DAB1: variants seen among roughly 807,000 people sequenced by gnomAD.
The protein encoded by DAB1 is DAB adaptor protein 1, also known as disabled homolog 1.
Under a neutral mutation model 64.6 loss-of-function variants are expected in DAB1, and 15 were observed. The observed-to-expected ratio is 0.23, with a 90% CI of 0.16 to 0.36. The LOEUF (loss-of-function observed/expected upper bound fraction) is 0.36. Ranked by LOEUF, DAB1 falls within the 10% of genes least tolerant of loss-of-function variation. The probability of loss-of-function intolerance (pLI) is 1.00; values close to 1 mark genes in which losing one functional copy is unlikely to be tolerated. For missense variants in DAB1, 596 were observed against 706.7 expected (o/e 0.84, Z 1.78); for synonymous variants, 235 against 251.9 (o/e 0.93, Z 0.64).
At chr1:57,261,934 A>G (rs1670213457) in intron 2 of DAB1, among the ~76,000 whole-genome samples, 1 of 152,232 alleles carries the variant, frequency 6.6e-6, no homozygotes, top group Admixed American at 6.5e-5. Flanking sequence ...GTTATTTATC[A>G]TTCATCTGTC....
At chr1:57,492,908 AT>A (rs1184017847) in intron 7 of DAB1, among the ~76,000 whole-genome samples, 3 of 151,908 alleles carry the variant, frequency 2.0e-5, no homozygotes, top group East Asian at 1.9e-4. Context: ...AGAAATTCAA[AT>A]TTTTTTCAGA....
chr1:57,915,161 A>AC (rs869215928), intron 5 of DAB1, among the ~76,000 whole-genome samples: 3 of 85,996 alleles, frequency 3.5e-5, no homozygotes, highest in African/African-American at 9.5e-5. Flanking sequence ...GGAAGGAAAT[A>AC]CCCGGAAGGA....
intron 3 of DAB1, among the ~76,000 whole-genome samples, chr1:58,392,788 A>G (rs1644486956): frequency 6.6e-6 from 1 of 152,172 alleles, no homozygotes; most frequent in Non-Finnish European, 1.5e-5. Context: ...GCTCTTGGCT[A>G]AGGTACTGGT....
Position 58,270,342 on chromosome 1 carries a change from G to A in DAB1, n.309+73010C>T, listed in dbSNP as rs1188380940. On this transcript the variant is annotated intron_variant and non_coding_transcript_variant, in intron 4 of 20. Coordinates refer to the DAB1 transcript ENST00000485760. ...AAGATCACATAGTTGTAGATATGCG[G>A]CGTTATTTCTGAGGGCTCTGTTCTG... Among the ~76,000 whole-genome samples, 4 of 147,656 alleles carry A rather than the reference G, an allele frequency of 2.7e-5. No individual in the cohort carries two copies. In the Admixed American group the frequency reaches 2.7e-4, roughly 10 times the overall value.
chr1:57,395,269 G>A (rs1042507971), intron 1 of DAB1, among the ~76,000 whole-genome samples: 5 of 152,090 alleles, frequency 3.3e-5, no homozygotes, highest in Non-Finnish European at 5.9e-5. Context: ...CAAGTGATCC[G>A]CCTGCCTCAG....
intron 4 of DAB1, among the ~76,000 whole-genome samples, chr1:58,218,685 T>C (rs1467883469): frequency 1.3e-5 from 2 of 152,028 alleles, no homozygotes; most frequent in Non-Finnish European, 2.9e-5. Flanking sequence ...TGCTGAGAAA[T>C]GAGGAAGAAG....
At chr1:57,101,839 G>C (rs778148228) in intron 4 of DAB1, among the ~76,000 whole-genome samples, 20 of 152,204 alleles carry the variant, frequency 1.3e-4, no homozygotes, top group Non-Finnish European at 2.5e-4. Context: ...TTATGAGACA[G>C]GCAGTATGAC....
intron 7 of DAB1, among the ~76,000 whole-genome samples, chr1:57,641,533 G>A (rs1234496708): frequency 6.6e-6 from 1 of 151,756 alleles, no homozygotes; most frequent in African/African-American, 2.4e-5. Context: ...ACAGACGCCC[G>A]CCACTACGCC....
chr1:58,145,359 G>A (rs1433555019), intron 5 of DAB1, among the ~76,000 whole-genome samples: 3 of 152,106 alleles, frequency 2.0e-5, no homozygotes, highest in African/African-American at 2.4e-5. Flanking sequence ...GCCATTATCC[G>A]CAACACATGA....
Position 58,440,006 on chromosome 1 carries a change from G to A in DAB1, n.257+66054C>T, listed in dbSNP as rs188608759. Among the ~76,000 whole-genome samples the A allele has an allele frequency of 7.4e-3, 1,125 of 152,346 alleles. 4 individuals are homozygous for A. Among genetic ancestry groups the A allele is most frequent in the Non-Finnish European group, 0.01 (695 of 68,032 alleles). ...CTTATCTCTACGTGGTCACCTGGGAGATCCTTGTCTTCCTGACAAGATTTT... is the reference window on the plus strand; with the variant it reads ...CTTATCTCTACGTGGTCACCTGGGAAATCCTTGTCTTCCTGACAAGATTTT... On this transcript the variant is annotated intron_variant and non_coding_transcript_variant, in intron 3 of 20. Coordinates refer to the DAB1 transcript ENST00000485760.
At chr1:58,050,949 T>C (rs1647610399) in intron 5 of DAB1, among the ~76,000 whole-genome samples, 1 of 152,192 alleles carries the variant, frequency 6.6e-6, no homozygotes, top group African/African-American at 2.4e-5. Context: ...TACTACATGC[T>C]ACATGTTGTT....
intron 14 of DAB1, among the ~76,000 whole-genome samples, chr1:57,007,487 C>T (rs1646115886): frequency 1.3e-5 from 2 of 152,004 alleles, no homozygotes; most frequent in African/African-American, 4.8e-5. Flanking sequence ...TTCAAAGACA[C>T]GTGATTCTCC....
At chr1:57,114,326 T>G (rs1655922434) in intron 4 of DAB1, among the ~76,000 whole-genome samples, 1 of 152,214 alleles carries the variant, frequency 6.6e-6, no homozygotes, top group Admixed American at 6.5e-5. Context: ...TTTTCTTCTT[T>G]GCTGTATCTT....
intron 6 of DAB1, among the ~76,000 whole-genome samples, chr1:57,772,553 G>A (rs940025437): frequency 6.6e-6 from 1 of 151,848 alleles, no homozygotes; most frequent in Non-Finnish European, 1.5e-5. Context: ...GAGTAGACTC[G>A]CTGGGATATA....
chr1:58,407,662 A>T (rs985778561), intron 3 of DAB1, among the ~76,000 whole-genome samples: 2 of 151,792 alleles, frequency 1.3e-5, no homozygotes, highest in African/African-American at 2.4e-5. Context: ...AAACTGCTAC[A>T]CTCCACGTCC....
intron 1 of DAB1, among the ~76,000 whole-genome samples, chr1:57,327,226 C>T (rs955524513): frequency 6.6e-6 from 1 of 152,082 alleles, no homozygotes; most frequent in Non-Finnish European, 1.5e-5. Context: ...CAGGCGTGAG[C>T]TACAATGCCT....
chr1:58,174,181 A>G (rs1656331771), intron 4 of DAB1, among the ~76,000 whole-genome samples: 1 of 152,174 alleles, frequency 6.6e-6, no homozygotes, highest in Admixed American at 6.5e-5. Context: ...ATAGTATGAA[A>G]TGTCACCTGG....
chr1:58,156,366 C>T (rs1175623475), intron 4 of DAB1, among the ~76,000 whole-genome samples: 1 of 152,266 alleles, frequency 6.6e-6, no homozygotes, highest in African/African-American at 2.4e-5. Flanking sequence ...TGTATCTTAG[C>T]GCTTCCCAAC....
chr1:57,868,555 G>T (rs915512786), intron 1 of DAB1, among the ~76,000 whole-genome samples: 1 of 152,112 alleles, frequency 6.6e-6, no homozygotes, highest in Non-Finnish European at 1.5e-5. Flanking sequence ...GAGCTGTCTT[G>T]TGTATTTTAG....
Sources: gnomAD v4.1 joint callset for allele counts (sites outside exome capture counted in the v4.1 genomes callset) on GRCh38, gnomAD v4.1.1 for gene constraint, MANE v1.5 for transcripts, NCBI Gene and HGNC (gene_info 2026-07-23, HGNC 2026-07-21) for gene names.